The following KLF12 variants were observed in gnomAD, a reference collection of about 807,000 sequenced individuals.
The protein encoded by KLF12 is Krueppel-like factor 12.
A neutral mutation model predicts 37.8 loss-of-function variants in KLF12; 9 were observed. The observed-to-expected ratio is 0.24, with a 90% CI of 0.14 to 0.42. The LOEUF (loss-of-function observed/expected upper bound fraction) is 0.42, where lower values mean the gene tolerates loss of function less well. Ranked by LOEUF, KLF12 falls within the 10% of genes least tolerant of loss-of-function variation. The probability of loss-of-function intolerance (pLI) is 1.00; values close to 1 mark genes in which losing one functional copy is unlikely to be tolerated. For synonymous variants in KLF12, 208 were observed against 202.1 expected (o/e 1.03, Z -0.25); for missense variants, 411 against 516.0 (o/e 0.80, Z 1.97).
chr13:73,797,546 A>T (rs1203030424), intron 5 of KLF12, among the ~76,000 whole-genome samples: 1 of 152,108 alleles, frequency 6.6e-6, no homozygotes, highest in Non-Finnish European at 1.5e-5. Flanking sequence ...GAGACAGGAG[A>T]ATCACTTGAG....
intron 1 of KLF12, among the ~76,000 whole-genome samples, chr13:74,005,620 C>A (rs1892390460): frequency 6.6e-6 from 1 of 151,112 alleles, no homozygotes; most frequent in Admixed American, 6.6e-5. Context: ...TGACAACTTA[C>A]TAGAAATCGG....
intron 5 of KLF12, among the ~76,000 whole-genome samples, chr13:73,807,464 G>T (rs542132819): frequency 6.6e-6 from 1 of 152,228 alleles, no homozygotes; most frequent in Admixed American, 6.5e-5. Context: ...TTCACTAGTT[G>T]TTTTTCTTTA....
chr13:73,804,698 C>T (rs544812635), intron 5 of KLF12, among the ~76,000 whole-genome samples: 1 of 152,150 alleles, frequency 6.6e-6, no homozygotes, highest in African/African-American at 2.4e-5. Flanking sequence ...GCATTTATCT[C>T]CCCTGGCAAG....
At chr13:73,882,493 A>G (rs915092566) in intron 3 of KLF12, among the ~76,000 whole-genome samples, 1 of 152,220 alleles carries the variant, frequency 6.6e-6, no homozygotes, top group African/African-American at 2.4e-5. Flanking sequence ...CAATGTATTT[A>G]GTGAATAAAC....
At chr13:74,206,900 C>T in the KLF12 span, among the ~76,000 whole-genome samples, 1 of 152,144 alleles carries the variant, frequency 6.6e-6, no homozygotes, top group Non-Finnish European at 1.5e-5. Context: ...TCCTAATGAG[C>T]ACTTTTGTTC....
chr13:74,285,452 G>A, the KLF12 span, among the ~76,000 whole-genome samples: 1 of 152,166 alleles, frequency 6.6e-6, no homozygotes, highest in African/African-American at 2.4e-5. Flanking sequence ...TATAATGGCC[G>A]ACTAAGCTCT....
intron 2 of KLF12, among the ~76,000 whole-genome samples, chr13:73,969,810 T>A (rs2138094775): frequency 6.6e-6 from 1 of 152,334 alleles, no homozygotes; most frequent in South Asian, 2.1e-4. Flanking sequence ...TCTCAAAATC[T>A]TCTTCATAGG....
intron 1 of KLF12, among the ~76,000 whole-genome samples, chr13:74,074,681 T>C (rs991664411): frequency 6.6e-6 from 1 of 152,204 alleles, no homozygotes; most frequent in Non-Finnish European, 1.5e-5. Flanking sequence ...GTTTGTTATA[T>C]AGGTAAACTC....
At chr13:74,045,797 C>T (rs1003214259) in intron 1 of KLF12, among the ~76,000 whole-genome samples, 3 of 152,126 alleles carry the variant, frequency 2.0e-5, no homozygotes, top group Admixed American at 1.3e-4. Context: ...ATTGAGTGTG[C>T]GTGTGTGTCA....
In KLF12 at chr13:73,813,258, T is replaced by C. The variant is rs764541268; in HGVS notation, c.700A>G (p.Arg234Gly). Residue 234 changes from arginine to glycine, a missense_variant, in exon 5 of 8, where the codon AGA (arginine) becomes GGA (glycine). By Grantham distance (125) the Arg-to-Gly change is moderately radical. Coordinates refer to ENST00000377669, the MANE Select transcript of KLF12 (RefSeq NM_007249.5). ...TCATCACTGTCACTTTTACTTTGTC[T>C]GGGAGATAGGCCTCGGGGGTCCATT... 2.9e-5 allele frequency: 47 copies of C among 1,614,022 alleles called. No homozygotes were observed. The highest frequency in any genetic ancestry group is 1.0e-4 in the Admixed American group (6 of 60,000).
chr13:73,928,558 T>C (rs1309212563), intron 3 of KLF12, among the ~76,000 whole-genome samples: 1 of 152,188 alleles, frequency 6.6e-6, no homozygotes, highest in African/African-American at 2.4e-5. Flanking sequence ...ACTAAGGAAA[T>C]GCAAGCCTAA....
chr13:74,039,377 A>T (rs1167076655), intron 1 of KLF12, among the ~76,000 whole-genome samples: 2 of 152,022 alleles, frequency 1.3e-5, no homozygotes, highest in Non-Finnish European at 2.9e-5. Context: ...CTCTACCAAA[A>T]GAAAAAATAG....
chr13:73,993,963 C>T lies in KLF12; in HGVS notation c.33+1027G>A, dbSNP rs79206699. ...TCCTCACTAAGTGAATGCACCCACA[C>T]AGGCAACACTGAGGTCATGAAAAAG... On this transcript the variant is annotated intron_variant, in intron 2 of 7. Transcript: ENST00000377669. Among the ~76,000 whole-genome samples, 30 of 152,328 alleles carry T rather than the reference C, an allele frequency of 2.0e-4. No individual in the cohort carries two copies. In the East Asian group the frequency reaches 5.8e-3, roughly 29 times the overall value.
chr13:73,971,091 T>C (rs1182335171), intron 2 of KLF12, among the ~76,000 whole-genome samples: 2 of 152,190 alleles, frequency 1.3e-5, no homozygotes, highest in African/African-American at 4.8e-5. Flanking sequence ...AGAAAGTTAC[T>C]CGAACCTGGC....
chr13:74,202,731 A>G, the KLF12 span, among the ~76,000 whole-genome samples: 1,363 of 152,204 alleles, frequency 9.0e-3, 7 homozygotes, highest in Non-Finnish European at 0.015. Flanking sequence ...GGAAGGAACT[A>G]ATCTGCTAGA....
chr13:74,102,492 G>A (rs1876411088), intron 1 of KLF12, among the ~76,000 whole-genome samples: 1 of 151,952 alleles, frequency 6.6e-6, no homozygotes, highest in Admixed American at 6.6e-5. Flanking sequence ...GAGGGTAGGA[G>A]TTTGTGACCA....
the KLF12 span, among the ~76,000 whole-genome samples, chr13:74,155,610 A>G: frequency 9.2e-5 from 14 of 152,162 alleles, no homozygotes; most frequent in South Asian, 2.5e-3. Context: ...TGATCCACCC[A>G]TCTCGGTCTC....
chr13:73,947,648 C>CACAAA (rs1890488658), intron 2 of KLF12, among the ~76,000 whole-genome samples: 1 of 85,900 alleles, frequency 1.2e-5, no homozygotes. Context: ...GAGACGGTCT[C>CACAAA]AAAAAAAAAA....
At chr13:73,718,056 C>T (rs1593999783) in intron 6 of KLF12, among the ~76,000 whole-genome samples, 1 of 152,132 alleles carries the variant, frequency 6.6e-6, no homozygotes, top group South Asian at 2.1e-4. Flanking sequence ...CAAGTTATAA[C>T]TTAAAGTCTA....
Sources: allele counts gnomAD v4.1 joint callset (sites outside exome capture counted in the v4.1 genomes callset), GRCh38; gene constraint gnomAD v4.1.1; transcripts MANE v1.5; gene names NCBI Gene and HGNC (gene_info 2026-07-23, HGNC 2026-07-21).